MYO7B: variants seen among roughly 807,000 people sequenced by gnomAD.
MYO7B encodes the protein unconventional myosin-VIIb.
In MYO7B, 212 loss-of-function variants were observed where a neutral mutation model predicts 259.7. The ratio of observed to expected loss-of-function variants is 0.82; its 90% confidence interval spans 0.73 to 0.91. The LOEUF (loss-of-function observed/expected upper bound fraction) is 0.91, where lower values mean the gene tolerates loss of function less well. Among genes scored for constraint, MYO7B ranks in the 40% least tolerant of loss-of-function variants. The pLI, the probability that MYO7B is intolerant of heterozygous loss-of-function variation, is 0.00. For missense variants in MYO7B, 2,732 were observed against 2,813.5 expected (o/e 0.97, Z 0.66); for synonymous variants, 1,197 against 1,166.4 (o/e 1.03, Z -0.54).
rs769871158 is a variant in MYO7B at position 127,628,334 on chromosome 2, T to G, written c.4461-38T>G. ...GTTTAGGGGCTGGATCAGGGGAAGG[T>G]GGAGGGGGCTCCTGGTCACGCTGTC... On this transcript the variant is annotated intron_variant, in intron 33 of 47. Transcript: ENST00000409816. The surrounding 1 kb of genome is among the most constrained non-coding windows in gnomAD (Gnocchi z 4.8). 6 of 1,569,422 alleles carry G rather than the reference T, an allele frequency of 3.8e-6. No homozygotes were observed. The highest frequency in any genetic ancestry group is 3.5e-5 in the South Asian group (3 of 85,674).
At chr2:127,622,233 T>G in intron 28 of MYO7B, 132 bp downstream of exon 28, 5 of 1,240,786 alleles carry the variant, frequency 4.0e-6, no homozygotes, top group Non-Finnish European at 5.4e-6. Context: ...TCCTCTGCAG[T>G]ACCTCCCATG....
At position 127,612,162 on chromosome 2, in the gene MYO7B, C is replaced by T. The variant is rs1680409423; in HGVS notation, c.3193-88C>T. On this transcript the variant is annotated intron_variant, in intron 24 of 47. Transcript: ENST00000409816. ...CCAGGAAATGGCTGGGTGAAAGGGA[C>T]ACGTGCTCCACCCCAGGAGGCTGTG... 5.4e-5 allele frequency: 27 copies of T among 498,312 alleles called. 1 individual carries two copies. Among genetic ancestry groups the T allele is most frequent in the South Asian group, 4.2e-4 (27 of 64,570 alleles). The allele number at this position is 498,312 out of a possible 1,614,324, so 30.9% of individuals were successfully genotyped here.
intron 34 of MYO7B, among the ~76,000 whole-genome samples, chr2:127,629,440 G>T (rs1365413993): frequency 6.6e-6 from 1 of 152,128 alleles, no homozygotes; most frequent in Non-Finnish European, 1.5e-5. Flanking sequence ...CACCCACCCT[G>T]GGCTCTGTGC....
intron 17 of MYO7B, 106 bp downstream of exon 17, chr2:127,593,052 GC>G: frequency 2.1e-6 from 3 of 1,410,460 alleles, no homozygotes; most frequent in East Asian, 2.5e-5. Context: ...GCCCTCCCCG[GC>G]CCCAGCCTTG....
rs969922463 is a variant in MYO7B at position 127,615,431 on chromosome 2, G to A, written c.3398+2828G>A. Among the ~76,000 whole-genome samples the A allele has an allele frequency of 1.3e-5, 2 of 152,086 alleles. No homozygotes were observed. The highest frequency in any genetic ancestry group is 2.4e-5 in the African/African-American group (1 of 41,400). On this transcript the variant is annotated intron_variant, in intron 26 of 47. Transcript: ENST00000409816. This position sits in a 1 kb window ranked among gnomAD's most constrained non-coding sequence, Gnocchi z 4.4. Reference sequence around the variant, plus strand: ...GAAGGGGTCAGGGGAAGAAGAAAAGGGCTCCCTACTCCTAGTGAGCAAAGA... The same window carrying A: ...GAAGGGGTCAGGGGAAGAAGAAAAGAGCTCCCTACTCCTAGTGAGCAAAGA...
chr2:127,574,292 A>G (rs1452801543), intron 7 of MYO7B, among the ~76,000 whole-genome samples: 1 of 152,148 alleles, frequency 6.6e-6, no homozygotes, highest in Non-Finnish European at 1.5e-5. Flanking sequence ...CCCAGCACTT[A>G]TGGGAGGCCA....
intron 1 of MYO7B, among the ~76,000 whole-genome samples, chr2:127,543,386 A>G (rs964353813): frequency 2.0e-5 from 3 of 152,080 alleles, no homozygotes; most frequent in South Asian, 4.2e-4. Context: ...TTGAGTCAAC[A>G]CAGCACATGT....
At chr2:127,553,077 T>C (rs1693510250) in intron 1 of MYO7B, among the ~76,000 whole-genome samples, 2 of 152,308 alleles carry the variant, frequency 1.3e-5, no homozygotes, top group Middle Eastern at 3.4e-3. Flanking sequence ...CCCTCACTCA[T>C]CCATCAAAGC....
In MYO7B at chr2:127,612,298, C is replaced by A. The variant is rs763666202; in HGVS notation, c.3241C>A (p.Leu1081Met). Reference sequence around the variant, plus strand: ...GACCAAGGATATCTCCTCCATGAAGCTGAAGCGGTCCTCCCGGATCACAGG... The same window carrying A: ...GACCAAGGATATCTCCTCCATGAAGATGAAGCGGTCCTCCCGGATCACAGG... The part of the protein sequence containing the change: ...KGTKDISSMK[L>M]KRSSRITGQV... Residue 1081 changes from leucine (L) to methionine (M), a missense_variant, in exon 25 of 48, where the codon CTG becomes ATG. By Grantham distance (15) the Leu-to-Met change is conservative. Around this residue, in one of 3 missense-constraint regions of MYO7B, gnomAD observed 1,906 missense variants for 2,026.4 expected, o/e 0.94. Coordinates refer to ENST00000409816, the MANE Select transcript of MYO7B (RefSeq NM_001393586.1). The A allele has an allele frequency of 1.2e-6, 1 of 816,166 alleles. No homozygotes were observed. The highest frequency in any genetic ancestry group is 1.4e-5 in the South Asian group (1 of 69,190). 50.6% of individuals were successfully genotyped at this position (816,166 alleles called of 1,614,324 possible).
At position 127,582,122 on chromosome 2, in the gene MYO7B, T is replaced by A. The variant is rs547381677; in HGVS notation, c.1200+112T>A. ...CAGAGGGCCCTGGGCAGGTCCCCACTCTGCCAGTCACCTGCCTGGTGACCA... is the reference window on the plus strand; with the variant it reads ...CAGAGGGCCCTGGGCAGGTCCCCACACTGCCAGTCACCTGCCTGGTGACCA... On this transcript the variant is annotated intron_variant, in intron 11 of 47. Coordinates refer to ENST00000409816, the MANE Select transcript of MYO7B (RefSeq NM_001393586.1). 62 of 1,528,096 alleles carry A rather than the reference T, an allele frequency of 4.1e-5. No individual in the cohort carries two copies. The African/African-American group carries it at 7.2e-4, about 18-fold the overall frequency. The allele number at this position is 1,528,096 out of a possible 1,614,324, so 94.7% of individuals were successfully genotyped here. A position where few individuals can be genotyped will look rare whatever the true frequency, so the allele number is the denominator to read the frequency against.
chr2:127,583,434 A>G (rs753636714), intron 12 of MYO7B, among the ~76,000 whole-genome samples: 4 of 152,156 alleles, frequency 2.6e-5, no homozygotes, highest in Admixed American at 1.3e-4. Flanking sequence ...ACTTAGCCCA[A>G]TGCACTCTCT....
In MYO7B at chr2:127,584,479, C is replaced by T. The variant is rs2104944138; in HGVS notation, c.1554+147C>T. The T allele has an allele frequency of 1.1e-6, 1 of 897,382 alleles. No homozygotes were observed. The highest frequency in any genetic ancestry group is 1.7e-6 in the Non-Finnish European group (1 of 599,838). 55.6% of individuals were successfully genotyped at this position (897,382 alleles called of 1,614,324 possible). A position where few individuals can be genotyped will look rare whatever the true frequency, so the allele number is the denominator to read the frequency against. On this transcript the variant is annotated intron_variant, in intron 13 of 47. Coordinates refer to ENST00000409816, the MANE Select transcript of MYO7B (RefSeq NM_001393586.1). The surrounding 1 kb of genome is among the most constrained non-coding windows in gnomAD (Gnocchi z 5.8). ...ATAAGCAGAAGAGCCTCAGTCTAACCAGACAGACCCTCCTCTCCAAGGCCC... is the reference window on the plus strand; with the variant it reads ...ATAAGCAGAAGAGCCTCAGTCTAACTAGACAGACCCTCCTCTCCAAGGCCC...
rs1268517767 is a variant in MYO7B, at chr2:127,597,907, G to C, written c.2339+1351G>C. Among the ~76,000 whole-genome samples, 2 of 151,976 alleles carry C rather than the reference G, an allele frequency of 1.3e-5. No homozygotes were observed. Among genetic ancestry groups the C allele is most frequent in the Non-Finnish European group, 2.9e-5 (2 of 68,020 alleles). On this transcript the variant is annotated intron_variant, in intron 19 of 47. Coordinates refer to ENST00000409816, the MANE Select transcript of MYO7B (RefSeq NM_001393586.1). This position sits in a 1 kb window ranked among gnomAD's most constrained non-coding sequence, Gnocchi z 4.8. ...CCCGCCTCAGCCTCTCAAAGTGCTGGGATTGCAGGTGTGAGCCACTGCGCC... is the reference window on the plus strand; with the variant it reads ...CCCGCCTCAGCCTCTCAAAGTGCTGCGATTGCAGGTGTGAGCCACTGCGCC...
intron 1 of MYO7B, among the ~76,000 whole-genome samples, chr2:127,549,521 G>A (rs986743973): frequency 6.6e-6 from 1 of 152,170 alleles, no homozygotes; most frequent in Non-Finnish European, 1.5e-5. Context: ...AAAATCTCCA[G>A]GTCCTAGGGA....
At chr2:127,617,986 C>A (rs2105062421) in intron 26 of MYO7B, among the ~76,000 whole-genome samples, 1 of 151,972 alleles carries the variant, frequency 6.6e-6, no homozygotes, top group Admixed American at 6.5e-5. Context: ...CTTTGTCTAT[C>A]CCTATCTGTC....
chr2:127,634,799 G>C, intron 42 of MYO7B, 116 bp downstream of exon 42: 4 of 1,057,318 alleles, frequency 3.8e-6, no homozygotes, highest in Non-Finnish European at 5.6e-6. Context: ...GTGTGTCCCT[G>C]GGTTGTGGGA....
At chr2:127,574,147 T>TC in intron 7 of MYO7B, 85 bp downstream of exon 7, 1 of 1,532,854 alleles carries the variant, frequency 6.5e-7, no homozygotes, top group Non-Finnish European at 8.9e-7. Context: ...TCACCTCTCC[T>TC]CCCCTCTTCC....
rs928673859 is a variant in MYO7B, at chr2:127,559,039, A to T, written c.-23-661A>T. Reference sequence around the variant, plus strand: ...CCACCTTGCACTGCTCAGCGCAGGGAGGGGAAGCTGCCAACACTCAGTCAG... The same window carrying T: ...CCACCTTGCACTGCTCAGCGCAGGGTGGGGAAGCTGCCAACACTCAGTCAG... On this transcript the variant is annotated intron_variant, in intron 1 of 47. Transcript: ENST00000409816. This position sits in a 1 kb window ranked among gnomAD's most constrained non-coding sequence, Gnocchi z 4.1. 6.6e-6 allele frequency among the ~76,000 whole-genome samples: 1 copy of T among 152,180 alleles called. No homozygotes were observed.
intron 26 of MYO7B, 90 bp from the exon 27 acceptor site, chr2:127,620,248 CAG>C (rs1680776097): frequency 1.4e-6 from 2 of 1,470,804 alleles, no homozygotes; most frequent in Non-Finnish European, 1.8e-6. Context: ...TGGGACCTCT[CAG>C]AGGTGCACAA....
Sources: gnomAD v4.1 joint callset for allele counts (sites outside exome capture counted in the v4.1 genomes callset) on GRCh38, gnomAD v4.1.1 for gene constraint, gnomAD v4.1.1 regional missense constraint, Gnocchi (gnomAD v3.1) non-coding constraint, MANE v1.5 for transcripts, NCBI Gene and HGNC (gene_info 2026-07-23, HGNC 2026-07-21) for gene names.